TAX1BP1: variants seen among roughly 807,000 people sequenced by gnomAD.
The protein encoded by TAX1BP1 is Tax1 binding protein 1.
A neutral mutation model predicts 97.7 loss-of-function variants in TAX1BP1; 62 were observed. That is an observed-to-expected ratio of 0.63 (90% CI 0.52 to 0.78). The LOEUF is 0.78. TAX1BP1 is among the 30% of genes least tolerant of loss of function. TAX1BP1 has a pLI of 0.00. For missense variants in TAX1BP1, 867 were observed against 916.1 expected (o/e 0.95, Z 0.69); for synonymous variants, 340 against 304.2 (o/e 1.12, Z -1.23).
chr7:27,760,453 C>T (rs532409936), intron 3 of TAX1BP1, among the ~76,000 whole-genome samples: 2 of 148,874 alleles, frequency 1.3e-5, no homozygotes, highest in South Asian at 2.1e-4. Context: ...AGTGCAGTGG[C>T]GCGATCTCGG....
In TAX1BP1 at chr7:27,748,521, C is replaced by A; in HGVS notation, c.-4C>A. On this transcript the variant is annotated 5_prime_UTR_variant, in exon 2 of 17. Coordinates refer to ENST00000396319, the MANE Select transcript of TAX1BP1 (RefSeq NM_006024.7). ...TTGTATGAATTACTTGTTTCAGATT[C>A]ACAATGACATCCTTTCAAGAAGTCC... 6.3e-7 allele frequency: 1 copy of A among 1,574,920 alleles called. No individual in the cohort carries two copies. The highest frequency in any genetic ancestry group is 8.6e-7 in the Non-Finnish European group (1 of 1,156,920).
At position 27,803,069 on chromosome 7, in the gene TAX1BP1, G is replaced by A. The variant is rs771128318; in HGVS notation, c.1764+2979G>A. Reference sequence around the variant, plus strand: ...TCTCAAAGTTGCAAGGAGGGAGTAGGTAAATGAAAAAAAATAAAGAAATTT... The same window carrying A: ...TCTCAAAGTTGCAAGGAGGGAGTAGATAAATGAAAAAAAATAAAGAAATTT... On this transcript the variant is annotated intron_variant, in intron 13 of 16. Transcript: ENST00000396319. 74 of 1,525,376 alleles carry A rather than the reference G, an allele frequency of 4.9e-5. No individual in the cohort carries two copies. In the African/African-American group the frequency reaches 8.2e-4, roughly 17 times the overall value. 94.5% of individuals were successfully genotyped at this position (1,525,376 alleles called of 1,614,324 possible). A position where few individuals can be genotyped will look rare whatever the true frequency, so the allele number is the denominator to read the frequency against.
intron 15 of TAX1BP1, among the ~76,000 whole-genome samples, chr7:27,818,134 T>C (rs1289304889): frequency 1.3e-5 from 2 of 152,220 alleles, no homozygotes; most frequent in African/African-American, 4.8e-5. Context: ...ATGTTACATG[T>C]GACAAGCCCT....
chr7:27,825,493 G>T (rs575764475), intron 15 of TAX1BP1, among the ~76,000 whole-genome samples: 1 of 152,070 alleles, frequency 6.6e-6, no homozygotes, highest in Non-Finnish European at 1.5e-5. Flanking sequence ...GATGGTTCAT[G>T]TTTTATTTCA....
At chr7:27,740,960 A>G (rs1787569828) in intron 1 of TAX1BP1, among the ~76,000 whole-genome samples, 1 of 152,122 alleles carries the variant, frequency 6.6e-6, no homozygotes, top group Non-Finnish European at 1.5e-5. Context: ...CTGTGGCTAG[A>G]GTTTAGCGTG....
intron 15 of TAX1BP1, among the ~76,000 whole-genome samples, chr7:27,821,486 T>G (rs1790971696): frequency 6.6e-6 from 1 of 151,688 alleles, no homozygotes; most frequent in African/African-American, 2.4e-5. Context: ...CAAAAAAAAT[T>G]TATCTGGGCA....
At chr7:27,779,749 G>C (rs555053212) in intron 5 of TAX1BP1, among the ~76,000 whole-genome samples, 161 of 152,244 alleles carry the variant, frequency 1.1e-3, no homozygotes, top group African/African-American at 3.7e-3. Context: ...CTGGGGAGGG[G>C]ATCGCAGATT....
At chr7:27,777,243 TA>T (rs776464446) in intron 5 of TAX1BP1, among the ~76,000 whole-genome samples, 24 of 152,200 alleles carry the variant, frequency 1.6e-4, no homozygotes, top group Non-Finnish European at 3.2e-4. Flanking sequence ...GGTGTTGGGA[TA>T]TTTTTTATAT....
chr7:27,751,179 C>T (rs1300808417), intron 2 of TAX1BP1, among the ~76,000 whole-genome samples: 2 of 151,990 alleles, frequency 1.3e-5, no homozygotes, highest in Admixed American at 6.5e-5. Context: ...TAAGTTTTCT[C>T]TCAGCAAAAA....
intron 5 of TAX1BP1, among the ~76,000 whole-genome samples, chr7:27,779,178 A>T (rs1215685442): frequency 6.6e-6 from 1 of 152,154 alleles, no homozygotes; most frequent in African/African-American, 2.4e-5. Context: ...AAATATAGAG[A>T]CAAGGCCTCA....
intron 15 of TAX1BP1, among the ~76,000 whole-genome samples, chr7:27,822,746 G>T (rs889178792): frequency 7.2e-5 from 11 of 152,188 alleles, no homozygotes; most frequent in Admixed American, 1.3e-4. Flanking sequence ...TCTGTGGGTT[G>T]TCTTCACTTT....
At chr7:27,793,293 A>G (rs1183968884) in intron 10 of TAX1BP1, 81 bp downstream of exon 10, 2 of 1,202,214 alleles carry the variant, frequency 1.7e-6, no homozygotes, top group Admixed American at 3.0e-5. Context: ...TATTCCAAAT[A>G]TCAACCTTTT....
At chr7:27,758,573 A>G (rs577564188) in intron 3 of TAX1BP1, among the ~76,000 whole-genome samples, 1 of 152,314 alleles carries the variant, frequency 6.6e-6, no homozygotes, top group South Asian at 2.1e-4. Context: ...ATAAAGTAAT[A>G]TAAAATTCAT....
intron 1 of TAX1BP1, among the ~76,000 whole-genome samples, chr7:27,743,316 T>G (rs1428027741): frequency 6.6e-6 from 1 of 152,222 alleles, no homozygotes; most frequent in Non-Finnish European, 1.5e-5. Context: ...TAGTCTTTCT[T>G]TTTTTGAGCC....
In TAX1BP1 at chr7:27,816,904, G is replaced by A. The variant is rs756333245; in HGVS notation, c.1951G>A (p.Ala651Thr). 4 of 1,613,856 alleles carry A rather than the reference G, an allele frequency of 2.5e-6. No homozygotes were observed. The highest frequency in any genetic ancestry group is 2.5e-6 in the Non-Finnish European group (3 of 1,179,950). ...TTTTATTACAGATGGAGCAGATGGT[G>A]CTTTTTACCCAGATGAAATACAAAG... The part of the protein sequence containing the change: ...SQETRDGADG[A>T]FYPDEIQRPP... The change falls in exon 15 of 17, where the codon GCT (alanine) becomes ACT (threonine). Residue 651 changes from alanine (A) to threonine (T), a missense_variant. By Grantham distance (58) the Ala-to-Thr change is moderately conservative. Transcript: ENST00000396319.
chr7:27,783,785 A>G (rs549788462), intron 5 of TAX1BP1, among the ~76,000 whole-genome samples: 1 of 152,348 alleles, frequency 6.6e-6, no homozygotes, highest in African/African-American at 2.4e-5. Flanking sequence ...AAATGTGAAC[A>G]TTATTTAGAA....
At chr7:27,803,166 C>G in intron 13 of TAX1BP1, 3 of 1,546,432 alleles carry the variant, frequency 1.9e-6, no homozygotes, top group Non-Finnish European at 2.6e-6. Flanking sequence ...TTTGGAAAAC[C>G]TCTCCAGGGA....
At chr7:27,747,306 A>G (rs550001278) in intron 1 of TAX1BP1, among the ~76,000 whole-genome samples, 4 of 152,360 alleles carry the variant, frequency 2.6e-5, no homozygotes, top group African/African-American at 9.6e-5. Context: ...AGCACAAAAT[A>G]GGGAAAACAT....
At chr7:27,803,109 CT>C in intron 13 of TAX1BP1, 2 of 1,544,258 alleles carry the variant, frequency 1.3e-6, no homozygotes, top group Non-Finnish European at 1.7e-6. Flanking sequence ...CTTTATTCAG[CT>C]TCAATTGGCA....
Sources: gnomAD v4.1 joint callset for allele counts (sites outside exome capture counted in the v4.1 genomes callset) on GRCh38, gnomAD v4.1.1 for gene constraint, MANE v1.5 for transcripts, NCBI Gene and HGNC (gene_info 2026-07-23, HGNC 2026-07-21) for gene names.